The following NUP210L variants were observed in gnomAD, a reference collection of about 807,000 sequenced individuals.
NUP210L encodes the protein nucleoporin 210 like, also known as nuclear pore membrane glycoprotein 210-like.
NUP210L carries 74 observed loss-of-function variants against 208.5 expected under a neutral mutation model. The ratio of observed to expected loss-of-function variants is 0.35; its 90% confidence interval spans 0.29 to 0.43. The LOEUF (loss-of-function observed/expected upper bound fraction) is 0.43, where lower values mean the gene tolerates loss of function less well. Among genes scored for constraint, NUP210L ranks in the 20% least tolerant of loss-of-function variants. NUP210L has a pLI of 1.00. For missense variants in NUP210L, 1,843 were observed against 2,289.4 expected (o/e 0.81, Z 3.98); for synonymous variants, 780 against 816.9 (o/e 0.95, Z 0.77).
intron 33 of NUP210L, among the ~76,000 whole-genome samples, chr1:154,013,629 A>G (rs1376917037): frequency 6.6e-6 from 1 of 152,010 alleles, no homozygotes; most frequent in African/African-American, 2.4e-5. Flanking sequence ...AAAAAAAACA[A>G]CTGCAACTTT....
chr1:154,113,165 A>ATATAT (rs34236591), intron 12 of NUP210L, among the ~76,000 whole-genome samples: 1,342 of 126,264 alleles, frequency 0.011, 7 homozygotes, highest in Non-Finnish European at 0.014. Context: ...CTTAAAAAAA[A>ATATAT]AAATATATAT....
chr1:154,127,225 C>G (rs375979590), intron 9 of NUP210L, 86 bp downstream of exon 9: 103 of 519,016 alleles, frequency 2.0e-4, no homozygotes, highest in African/African-American at 1.7e-3. Flanking sequence ...AGAAAGAGGG[C>G]TTTCTAGCCA....
At chr1:154,120,073 A>G (rs1306340207) in intron 10 of NUP210L, among the ~76,000 whole-genome samples, 1 of 152,106 alleles carries the variant, frequency 6.6e-6, no homozygotes, top group Non-Finnish European at 1.5e-5. Flanking sequence ...CTGACTTTTT[A>G]ATGATTGCCA....
At chr1:154,140,393 G>A (rs1480228831) in intron 4 of NUP210L, among the ~76,000 whole-genome samples, 1 of 139,794 alleles carries the variant, frequency 7.2e-6, no homozygotes, top group Non-Finnish European at 1.5e-5. Flanking sequence ...AAGGCAAGGC[G>A]CAGTGGCTCA....
chr1:154,055,183 CT>C (rs1184263492), intron 23 of NUP210L, among the ~76,000 whole-genome samples: 7 of 106,522 alleles, frequency 6.6e-5, no homozygotes, highest in African/African-American at 2.1e-4. Context: ...TTCTTTCTTT[CT>C]TTCTTTTTCT....
chr1:154,030,204 A>AGGG, intron 27 of NUP210L, 150 bp from the exon 28 acceptor site: 1 of 500,184 alleles, frequency 2.0e-6, no homozygotes, highest in Non-Finnish European at 3.3e-6. Context: ...GAAGACTACA[A>AGGG]ATAGGGAGCA....
At chr1:154,154,620 A>T (rs1659597212) in intron 1 of NUP210L, among the ~76,000 whole-genome samples, 1 of 152,106 alleles carries the variant, frequency 6.6e-6, no homozygotes, top group East Asian at 1.9e-4. Flanking sequence ...CACGTCTGGA[A>T]GATTGTCACA....
intron 14 of NUP210L, among the ~76,000 whole-genome samples, chr1:154,095,424 T>TA (rs1415249206): frequency 7.2e-5 from 11 of 152,244 alleles, no homozygotes; most frequent in Non-Finnish European, 1.6e-4. Flanking sequence ...TCTAAGCTCT[T>TA]ACAGTATTTA....
intron 2 of NUP210L, among the ~76,000 whole-genome samples, chr1:154,151,450 A>G (rs1172083326): frequency 6.7e-6 from 1 of 148,524 alleles, no homozygotes; most frequent in African/African-American, 2.4e-5. Flanking sequence ...CAAAATTTGT[A>G]GAATAGGTGT....
chr1:154,071,272 T>TA (rs1654713075), intron 16 of NUP210L, among the ~76,000 whole-genome samples: 2 of 151,986 alleles, frequency 1.3e-5, no homozygotes, highest in East Asian at 3.9e-4. Context: ...AACTTTTTTT[T>TA]AATTTTTATT....
At chr1:154,154,131 C>T (rs924989389) in intron 1 of NUP210L, among the ~76,000 whole-genome samples, 1 of 152,088 alleles carries the variant, frequency 6.6e-6, no homozygotes, top group Admixed American at 6.5e-5. Flanking sequence ...ACACTTCAAG[C>T]GGGTACCCTT....
intron 30 of NUP210L, among the ~76,000 whole-genome samples, chr1:154,023,941 C>T (rs999424106): frequency 7.9e-5 from 12 of 152,056 alleles, no homozygotes; most frequent in African/African-American, 2.2e-4. Context: ...GCGCCCGCCA[C>T]AATGCCCGGC....
At chr1:154,127,277 A>C (rs1192279659) in intron 9 of NUP210L, 34 bp downstream of exon 9, 4 of 1,041,594 alleles carry the variant, frequency 3.8e-6, no homozygotes, top group Admixed American at 1.8e-5. Flanking sequence ...TTATCCCTAC[A>C]AGGAGCTCAG....
In NUP210L at chr1:154,058,695, T is replaced by C; in HGVS notation, c.2851-2A>G. 6.2e-7 allele frequency: 1 copy of C among 1,612,726 alleles called. No homozygotes were observed. The highest frequency in any genetic ancestry group is 1.1e-5 in the South Asian group (1 of 90,820). On this transcript the variant is annotated splice_acceptor_variant, in intron 20 of 39. Transcript: ENST00000368559. LOFTEE classifies it high-confidence loss of function. ...AAATCCAGGATGTAATGGAACTAAC[T>C]GGAAGTAAGAAGATGGTAGCTGGAT... is the stretch of plus-strand genomic sequence containing the variant.
rs186320466 is a variant in NUP210L at position 154,018,168 on chromosome 1, C to T, written c.4653+765G>A. 4.2e-3 allele frequency among the ~76,000 whole-genome samples: 639 copies of T among 152,044 alleles called. 2 individuals are homozygous for T. The highest frequency in any genetic ancestry group is 0.012 in the African/African-American group (489 of 41,492). ...TGTATTTTTAGTAGTGATGGGGTTT[C>T]ACCATGTTGGCCAGGCTGTTCTCGA... On this transcript the variant is annotated intron_variant, in intron 33 of 39. Transcript: ENST00000368559.
chr1:154,082,048 T>A (rs1655362536), intron 16 of NUP210L, among the ~76,000 whole-genome samples: 1 of 152,182 alleles, frequency 6.6e-6, no homozygotes, highest in Non-Finnish European at 1.5e-5. Flanking sequence ...ATTGATGTGT[T>A]CCACCTGTTA....
intron 12 of NUP210L, among the ~76,000 whole-genome samples, chr1:154,105,547 C>T (rs1484961558): frequency 1.3e-5 from 2 of 152,098 alleles, no homozygotes; most frequent in East Asian, 1.9e-4. Context: ...GTATTTGATA[C>T]AGGCCTTAGG....
At chr1:154,010,599 G>A (rs1021383347) in intron 34 of NUP210L, among the ~76,000 whole-genome samples, 6 of 152,018 alleles carry the variant, frequency 3.9e-5, no homozygotes, top group East Asian at 1.9e-4. Context: ...GGCCAGGCGC[G>A]GTGGCTCACA....
intron 38 of NUP210L, among the ~76,000 whole-genome samples, chr1:153,993,453 C>T (rs1402067499): frequency 6.6e-6 from 1 of 151,972 alleles, no homozygotes; most frequent in African/African-American, 2.4e-5. Context: ...GTAGTCCCAG[C>T]TACTCAGGAG....
Sources: gnomAD v4.1 joint callset for allele counts (sites outside exome capture counted in the v4.1 genomes callset) on GRCh38, gnomAD v4.1.1 for gene constraint, MANE v1.5 for transcripts, NCBI Gene and HGNC (gene_info 2026-07-23, HGNC 2026-07-21) for gene names.